Variants in CHD6 observed in about 807,000 individuals in gnomAD.
CHD6 encodes the protein ATP-dependent chromatin remodeler CHD6.
A neutral mutation model predicts 276.9 loss-of-function variants in CHD6; 50 were observed. The ratio of observed to expected loss-of-function variants is 0.18; its 90% CI spans 0.14 to 0.23. The LOEUF is 0.23. Ranked by LOEUF, CHD6 falls within the 10% of genes least tolerant of loss-of-function variation. The pLI, the probability that CHD6 is intolerant of heterozygous loss-of-function variation, is 1.00. For missense variants in CHD6, 2,564 were observed against 3,365.8 expected (o/e 0.76, Z 5.89); for synonymous variants, 1,173 against 1,229.3 (o/e 0.95, Z 0.96).
chr20:41,512,683 G>C (rs2044149547), intron 5 of CHD6, among the ~76,000 whole-genome samples, 163 bp downstream of exon 5: 1 of 152,144 alleles, frequency 6.6e-6, no homozygotes, highest in East Asian at 1.9e-4. Flanking sequence ...GCACAGTAAG[G>C]AGTCTGAATG....
chr20:41,575,724 T>A (rs2045467187), intron 1 of CHD6, among the ~76,000 whole-genome samples: 1 of 152,254 alleles, frequency 6.6e-6, no homozygotes, highest in Non-Finnish European at 1.5e-5. Context: ...CAATCATTTC[T>A]CAAATTTCTC....
At chr20:41,488,141 C>T (rs1459411578) in intron 13 of CHD6, among the ~76,000 whole-genome samples, 1 of 152,124 alleles carries the variant, frequency 6.6e-6, no homozygotes, top group Admixed American at 6.6e-5. Flanking sequence ...CATTTAGGGG[C>T]CTGGAAACCA....
chr20:41,407,128 T>C (rs1246102371), intron 36 of CHD6, among the ~76,000 whole-genome samples: 1 of 151,966 alleles, frequency 6.6e-6, no homozygotes, highest in African/African-American at 2.4e-5. Flanking sequence ...AGCTCAACAG[T>C]GAGGGGTGAG....
intron 27 of CHD6, among the ~76,000 whole-genome samples, chr20:41,435,529 G>C (rs565267058): frequency 1.3e-4 from 20 of 151,770 alleles, no homozygotes; most frequent in African/African-American, 4.8e-4. Flanking sequence ...ACTTGAGCCT[G>C]GGAGGTTGAG....
intron 1 of CHD6, among the ~76,000 whole-genome samples, chr20:41,552,592 A>T (rs1231232700): frequency 6.6e-6 from 1 of 152,254 alleles, no homozygotes; most frequent in Non-Finnish European, 1.5e-5. Flanking sequence ...AAGTAAGTTC[A>T]TGGCATGTTG....
chr20:41,473,147 A>G lies in CHD6; in HGVS notation c.2664+175T>C, dbSNP rs996351153. 3 of 555,774 alleles carry G rather than the reference A, an allele frequency of 5.4e-6. No homozygotes were observed. In the South Asian group the frequency reaches 8.4e-5, roughly 16 times the overall value. 34.4% of individuals were successfully genotyped at this position (555,774 alleles called of 1,614,324 possible). Reference sequence around the variant, plus strand: ...GAACCACACTCTCTAATTAGTTGGAAGGGTCGACATTTACTTTTCATTCAG... The same window carrying G: ...GAACCACACTCTCTAATTAGTTGGAGGGGTCGACATTTACTTTTCATTCAG... On this transcript the variant is annotated intron_variant, in intron 17 of 36. Transcript: ENST00000373233. The surrounding 1 kb of genome is among the most constrained non-coding windows in gnomAD (Gnocchi z 4.1).
At chr20:41,432,252 A>G (rs1468720049) in intron 27 of CHD6, among the ~76,000 whole-genome samples, 1 of 152,058 alleles carries the variant, frequency 6.6e-6, no homozygotes. Flanking sequence ...GGGACACAGA[A>G]AATATTAAGA....
At chr20:41,460,583 G>A (rs2048513972) in intron 17 of CHD6, among the ~76,000 whole-genome samples, 1 of 152,246 alleles carries the variant, frequency 6.6e-6, no homozygotes, top group Non-Finnish European at 1.5e-5. Context: ...GAGGGTGAAA[G>A]CACCAAACCT....
chr20:41,440,508 T>C (rs943658477), intron 25 of CHD6, among the ~76,000 whole-genome samples: 13 of 152,176 alleles, frequency 8.5e-5, no homozygotes, highest in Non-Finnish European at 1.6e-4. Context: ...TTTTATCCCA[T>C]GTGTTAGAAA....
intron 1 of CHD6, among the ~76,000 whole-genome samples, chr20:41,593,780 A>G (rs2045688923): frequency 1.3e-5 from 2 of 152,210 alleles, no homozygotes; most frequent in African/African-American, 4.8e-5. Context: ...ATGTGGACAT[A>G]GATAAACACA....
intron 27 of CHD6, among the ~76,000 whole-genome samples, chr20:41,429,917 A>G (rs1426835078): frequency 1.3e-5 from 2 of 152,182 alleles, no homozygotes; most frequent in Admixed American, 1.3e-4. Context: ...CCAATCTACT[A>G]AACGGTTGCC....
At position 41,456,100 on chromosome 20, in the gene CHD6, ACG is replaced by A. The variant is rs1355552526; in HGVS notation, c.2830-123_2830-122del. On this transcript the variant is annotated intron_variant, in intron 18 of 36. Coordinates refer to ENST00000373233, the MANE Select transcript of CHD6 (RefSeq NM_032221.5). The stretch of plus-strand genomic sequence containing the variant: ...CATGAACTACATGTTAGAACAAAGG[ACG>A]TGGGCAACAAACTTCAGCTAGTGAA... 1.1e-4 allele frequency: 104 copies of A among 917,822 alleles called. 1 individual carries two copies. In the Middle Eastern group the frequency reaches 4.3e-3, roughly 38 times the overall value. 56.9% of individuals were successfully genotyped at this position (917,822 alleles called of 1,614,324 possible).
chr20:41,402,426 G>A lies in CHD6; in HGVS notation c.*2167C>T. Reference sequence around the variant, plus strand: ...AACAAGGGATTGAGCATGCTGGTGGGTTTTTAAGTCAGATCCACATTGAAC... The same window carrying A: ...AACAAGGGATTGAGCATGCTGGTGGATTTTTAAGTCAGATCCACATTGAAC... On this transcript the variant is annotated 3_prime_UTR_variant, in exon 37 of 37. Coordinates refer to ENST00000373233, the MANE Select transcript of CHD6 (RefSeq NM_032221.5). 2 of 230,374 alleles carry A rather than the reference G, an allele frequency of 8.7e-6. No individual in the cohort carries two copies. The highest frequency in any genetic ancestry group is 1.2e-4 in the East Asian group (2 of 16,206). 14.3% of individuals were successfully genotyped at this position (230,374 alleles called of 1,614,324 possible). A position where few individuals can be genotyped will look rare whatever the true frequency, so the allele number is the denominator to read the frequency against.
intron 31 of CHD6, 138 bp downstream of exon 31, chr20:41,420,370 G>A: frequency 1.1e-6 from 1 of 891,824 alleles, no homozygotes; most frequent in South Asian, 1.7e-5. Flanking sequence ...TCAGTCCAAG[G>A]CCTATGACCT....
Position 41,402,695 on chromosome 20 carries a change from T to C in CHD6, c.*1898A>G, listed in dbSNP as rs990736340. 9.3e-6 allele frequency: 2 copies of C among 214,130 alleles called. No individual in the cohort carries two copies. The highest frequency in any genetic ancestry group is 4.5e-5 in the African/African-American group (2 of 44,372). 13.3% of individuals were successfully genotyped at this position (214,130 alleles called of 1,614,324 possible). A position where few individuals can be genotyped will look rare whatever the true frequency, so the allele number is the denominator to read the frequency against. On this transcript the variant is annotated 3_prime_UTR_variant, in exon 37 of 37. Transcript: ENST00000373233. ...AGTACTTAAAAGGTTCAAAAATATA[T>C]TGATTGAGTTATTTTTCTTACATAA...
chr20:41,531,070 GCCT>G (rs2044673685), intron 3 of CHD6, among the ~76,000 whole-genome samples: 2 of 152,178 alleles, frequency 1.3e-5, no homozygotes, highest in South Asian at 2.1e-4. Context: ...TTTGTTAAAT[GCCT>G]CCTTATTCCC....
At chr20:41,409,384 GCTTC>G (rs2046777389) in intron 36 of CHD6, among the ~76,000 whole-genome samples, 1 of 152,198 alleles carries the variant, frequency 6.6e-6, no homozygotes, top group Non-Finnish European at 1.5e-5. Flanking sequence ...AGGAAAAGGA[GCTTC>G]CTTATGTTCA....
In CHD6 at chr20:41,421,003, AGTTTTCCTCCTC is replaced by A. The variant is rs746509282; in HGVS notation, c.5620_5631del (p.Glu1874_Asn1877del). 1.4e-4 allele frequency: 230 copies of A among 1,613,958 alleles called. No homozygotes were observed. The highest frequency in any genetic ancestry group is 1.0e-3 in the East Asian group (47 of 44,882). On this transcript the variant is annotated inframe_deletion, in exon 31 of 37. Coordinates refer to ENST00000373233, the MANE Select transcript of CHD6 (RefSeq NM_032221.5). ...TCCCCCATGCCTACTGCCATGGCTA[AGTTTTCCTCCTC>A]GTTTTCCTCCTCTTCTTCCTCCTCA...
chr20:41,594,934 C>T (rs1367821483), intron 1 of CHD6, among the ~76,000 whole-genome samples: 1 of 152,246 alleles, frequency 6.6e-6, no homozygotes, highest in East Asian at 1.9e-4. Context: ...AGGTAGCACC[C>T]TTCTGCAGAA....
Sources: gnomAD v4.1 joint callset for allele counts (sites outside exome capture counted in the v4.1 genomes callset) on GRCh38, gnomAD v4.1.1 for gene constraint, Gnocchi (gnomAD v3.1) non-coding constraint, MANE v1.5 for transcripts, NCBI Gene and HGNC (gene_info 2026-07-23, HGNC 2026-07-21) for gene names.